The following TOPAZ1 variants were observed in gnomAD, a reference collection of about 807,000 sequenced individuals.
TOPAZ1 encodes the protein protein TOPAZ1.
A neutral mutation model predicts 172.2 loss-of-function variants in TOPAZ1; 66 were observed. The ratio of observed to expected loss-of-function variants is 0.38; its 90% CI spans 0.31 to 0.47. TOPAZ1 has a LOEUF of 0.47. Ranked by LOEUF, TOPAZ1 falls within the 20% of genes least tolerant of loss-of-function variation. TOPAZ1 has a pLI of 0.99. For missense variants in TOPAZ1, 1,822 were observed against 1,972.4 expected (o/e 0.92, Z 1.44); for synonymous variants, 681 against 683.9 (o/e 1.00, Z 0.07).
intron 2 of TOPAZ1, among the ~76,000 whole-genome samples, chr3:44,247,244 C>T (rs942028876): frequency 6.6e-6 from 1 of 152,010 alleles, no homozygotes; most frequent in African/African-American, 2.4e-5. Flanking sequence ...AAGAAAATTT[C>T]ATTTACACTT....
downstream of TOPAZ1, among the ~76,000 whole-genome samples, chr3:44,335,750 G>A (rs1036850777): frequency 3.9e-5 from 6 of 152,198 alleles, no homozygotes; most frequent in Non-Finnish European, 7.3e-5. Flanking sequence ...GCTGAGGTCA[G>A]GGCTGAGATT....
At chr3:44,304,552 TGTA>T (rs1429564200) in intron 13 of TOPAZ1, among the ~76,000 whole-genome samples, 1 of 152,246 alleles carries the variant, frequency 6.6e-6, no homozygotes, top group African/African-American at 2.4e-5. Context: ...TTTGTATTCA[TGTA>T]GTAATTGTTG....
intron 9 of TOPAZ1, among the ~76,000 whole-genome samples, chr3:44,286,403 T>C (rs1575721371): frequency 6.6e-6 from 1 of 152,316 alleles, no homozygotes; most frequent in East Asian, 1.9e-4. Flanking sequence ...GGCGACTATA[T>C]AAATACTGCC....
intron 12 of TOPAZ1, among the ~76,000 whole-genome samples, chr3:44,297,507 A>G (rs548519158): frequency 6.6e-6 from 1 of 152,366 alleles, no homozygotes; most frequent in East Asian, 1.9e-4. Flanking sequence ...CACAAACAGT[A>G]TCTGTAAGAA....
In TOPAZ1 at chr3:44,323,046, C is replaced by T. The variant is rs1041024741; in HGVS notation, c.4472-46C>T. The T allele has an allele frequency of 9.0e-6, 12 of 1,326,728 alleles. No individual in the cohort carries two copies. The African/African-American group carries it at 1.6e-4, about 18-fold the overall frequency. 82.2% of individuals were successfully genotyped at this position (1,326,728 alleles called of 1,614,324 possible). A position where few individuals can be genotyped will look rare whatever the true frequency, so the allele number is the denominator to read the frequency against. On this transcript the variant is annotated intron_variant, in intron 17 of 19. Transcript: ENST00000309765. ...AGGAGTATGAGATGGAGGTTTGAGACACTTTAATATAAATGAATTTTATTA... is the reference window on the plus strand; with the variant it reads ...AGGAGTATGAGATGGAGGTTTGAGATACTTTAATATAAATGAATTTTATTA...
intron 19 of TOPAZ1, among the ~76,000 whole-genome samples, chr3:44,330,269 T>A (rs1700652893): frequency 6.6e-6 from 1 of 152,180 alleles, no homozygotes; most frequent in Non-Finnish European, 1.5e-5. Context: ...AATGAGGTCA[T>A]GGTTTTCTCA....
chr3:44,292,091 C>T (rs1241956543), intron 12 of TOPAZ1, among the ~76,000 whole-genome samples: 1 of 152,128 alleles, frequency 6.6e-6, no homozygotes, highest in African/African-American at 2.4e-5. Flanking sequence ...CCATTGTGCC[C>T]TAGATGCCTC....
At chr3:44,266,217 G>A (rs911374640) in intron 5 of TOPAZ1, among the ~76,000 whole-genome samples, 2 of 152,154 alleles carry the variant, frequency 1.3e-5, no homozygotes, top group Non-Finnish European at 2.9e-5. Flanking sequence ...TTAGGCTTTG[G>A]CTTAAGGGAA....
intron 15 of TOPAZ1, among the ~76,000 whole-genome samples, chr3:44,308,633 G>A (rs1283334453): frequency 6.6e-6 from 1 of 152,068 alleles, no homozygotes; most frequent in Non-Finnish European, 1.5e-5. Flanking sequence ...TTTAATAAAA[G>A]AGAAACTCAG....
At chr3:44,289,107 T>C (rs1223360395) in intron 11 of TOPAZ1, among the ~76,000 whole-genome samples, 2 of 152,236 alleles carry the variant, frequency 1.3e-5, no homozygotes, top group African/African-American at 4.8e-5. Context: ...CCCTGGTCTT[T>C]GAGCAGTGTT....
chr3:44,289,601 G>T (rs958459308), intron 11 of TOPAZ1, among the ~76,000 whole-genome samples: 5 of 152,106 alleles, frequency 3.3e-5, no homozygotes, highest in African/African-American at 1.2e-4. Flanking sequence ...ATTTTCCTTG[G>T]AGTTCAAAGG....
At chr3:44,257,166 A>G (rs1010383179) in intron 4 of TOPAZ1, among the ~76,000 whole-genome samples, 1 of 151,318 alleles carries the variant, frequency 6.6e-6, no homozygotes, top group African/African-American at 2.4e-5. Context: ...TTGTCTCTAC[A>G]AAAAAAAATT....
chr3:44,328,870 A>T (rs1286013172), intron 19 of TOPAZ1, among the ~76,000 whole-genome samples: 1 of 152,236 alleles, frequency 6.6e-6, no homozygotes, highest in Admixed American at 6.5e-5. Flanking sequence ...TCTATATTTT[A>T]TAATGCTATA....
At position 44,278,271 on chromosome 3, in the gene TOPAZ1, G is replaced by A. The variant is rs528758418; in HGVS notation, c.3373-3697G>A. ...ATTTTTTTTATGTGCTGCTAGATTCGGTTTGCTAATATTTTGTTGAGAATT... is the reference window on the plus strand; with the variant it reads ...ATTTTTTTTATGTGCTGCTAGATTCAGTTTGCTAATATTTTGTTGAGAATT... On this transcript the variant is annotated intron_variant, in intron 8 of 19. Coordinates refer to ENST00000309765, the MANE Select transcript of TOPAZ1 (RefSeq NM_001145030.2). Among the ~76,000 whole-genome samples the A allele has an allele frequency of 6.8e-4, 103 of 152,018 alleles. 1 individual carries two copies. The highest frequency in any genetic ancestry group is 2.3e-3 in the African/African-American group (96 of 41,472).
intron 17 of TOPAZ1, 87 bp downstream of exon 17, chr3:44,321,278 TTGAG>T: frequency 1.1e-6 from 1 of 924,244 alleles, no homozygotes; most frequent in Non-Finnish European, 1.5e-6. Context: ...CCTGTTTTGA[TTGAG>T]TTTTATATTC....
intron 2 of TOPAZ1, among the ~76,000 whole-genome samples, chr3:44,246,457 A>G (rs532351203): frequency 1.3e-5 from 2 of 152,216 alleles, no homozygotes; most frequent in East Asian, 3.9e-4. Context: ...GTGGTATCAT[A>G]CTCTTCTTGA....
chr3:44,277,013 G>A (rs1699968547), intron 8 of TOPAZ1, among the ~76,000 whole-genome samples: 1 of 151,840 alleles, frequency 6.6e-6, no homozygotes, highest in Non-Finnish European at 1.5e-5. Flanking sequence ...GGATGGTCTC[G>A]CTCTCCTGAC....
At chr3:44,309,770 T>G (rs1700377796) in intron 15 of TOPAZ1, 55 bp from the exon 16 acceptor site, 23 of 1,234,418 alleles carry the variant, frequency 1.9e-5, no homozygotes, top group Non-Finnish European at 2.5e-5. Flanking sequence ...TATCAGTGGC[T>G]TTGTGTGTTT....
intron 18 of TOPAZ1, 51 bp from the exon 19 acceptor site, chr3:44,328,192 ATCTAGGT>A: frequency 8.8e-7 from 1 of 1,133,394 alleles, no homozygotes; most frequent in Non-Finnish European, 1.2e-6. Context: ...TATTTCAGAA[ATCTAGGT>A]TTTTACCTAT....
Sources: allele counts gnomAD v4.1 joint callset (sites outside exome capture counted in the v4.1 genomes callset), GRCh38; gene constraint gnomAD v4.1.1; transcripts MANE v1.5; gene names NCBI Gene and HGNC (gene_info 2026-07-23, HGNC 2026-07-21).